ENAH: variants seen among roughly 807,000 people sequenced by gnomAD.
ENAH encodes the protein ENAH actin regulator.
Under a neutral mutation model 78.7 loss-of-function variants are expected in ENAH, and 23 were observed. That is an observed-to-expected ratio of 0.29 (90% CI 0.21 to 0.41). ENAH has a LOEUF of 0.41. ENAH is among the 10% of genes least tolerant of loss of function. The pLI, the probability that ENAH is intolerant of heterozygous loss-of-function variation, is 1.00. For synonymous variants in ENAH, 226 were observed against 241.0 expected (o/e 0.94, Z 0.58); for missense variants, 544 against 691.0 (o/e 0.79, Z 2.39).
At chr1:225,650,848 TAAAAAAAAAAAAA>T (rs746549168) in intron 1 of ENAH, among the ~76,000 whole-genome samples, 5 of 58,938 alleles carry the variant, frequency 8.5e-5, no homozygotes, top group Non-Finnish European at 1.2e-4. Flanking sequence ...AGACTGCATT[TAAAAAAAAAAAAA>T]AAAAAAAAAA....
chr1:225,521,431 A>G (rs2096467258), intron 4 of ENAH, among the ~76,000 whole-genome samples: 1 of 152,066 alleles, frequency 6.6e-6, no homozygotes, highest in South Asian at 2.1e-4. Context: ...GGCCGAGGTC[A>G]GGAGTTTGAG....
chr1:225,597,636 C>T lies in ENAH; in HGVS notation c.6-30222G>A, dbSNP rs941866478. 4.8e-5 allele frequency among the ~76,000 whole-genome samples: 6 copies of T among 125,902 alleles called. No individual in the cohort carries two copies. In the East Asian group the frequency reaches 6.8e-4, roughly 14 times the overall value. 82.6% of individuals were successfully genotyped at this position (125,902 alleles called of 152,430 possible). On this transcript the variant is annotated intron_variant, in intron 1 of 13. Transcript: ENST00000366843. The stretch of plus-strand genomic sequence containing the variant: ...CTGCGCCACTGCCCTCCAGCCTGGG[C>T]GACAGTGCAAGAGCATCTCAAAAAA...
chr1:225,543,173 GGA>G (rs1200371789), intron 3 of ENAH, among the ~76,000 whole-genome samples: 4 of 152,150 alleles, frequency 2.6e-5, no homozygotes. Flanking sequence ...AGAAGAGACT[GGA>G]GACACATTTC....
chr1:225,526,674 A>T (rs1477761530), intron 4 of ENAH, among the ~76,000 whole-genome samples: 3 of 152,102 alleles, frequency 2.0e-5, no homozygotes, highest in Non-Finnish European at 4.4e-5. Flanking sequence ...GGTGGTTTTT[A>T]AAAAAAGTTT....
At chr1:225,590,599 C>T (rs886377997) in intron 1 of ENAH, among the ~76,000 whole-genome samples, 3 of 152,106 alleles carry the variant, frequency 2.0e-5, no homozygotes, top group Non-Finnish European at 2.9e-5. Context: ...TTCTCCCCCC[C>T]ATTCCCTTTC....
Position 225,490,237 on chromosome 1 carries a change from A to G in ENAH, c.*7538T>C, listed in dbSNP as rs907600020. The stretch of plus-strand genomic sequence containing the variant: ...TCAAGTCCAACAAGGTGGCAAAGAC[A>G]TGGACTCAATAACAATTTTTACCAT... On this transcript the variant is annotated 3_prime_UTR_variant, in exon 14 of 14. Coordinates refer to ENST00000366843, the MANE Select transcript of ENAH (RefSeq NM_018212.6). 5 of 152,200 alleles carry G rather than the reference A, an allele frequency of 3.3e-5. No individual in the cohort carries two copies. The highest frequency in any genetic ancestry group is 7.3e-5 in the Non-Finnish European group (5 of 68,040). The allele number at this position is 152,200 out of a possible 1,614,324, so 9.4% of individuals were successfully genotyped here.
Position 225,651,373 on chromosome 1 carries a change from G to A in ENAH, c.5+1313C>T, listed in dbSNP as rs546396921. On this transcript the variant is annotated intron_variant, in intron 1 of 13. Transcript: ENST00000366843. ...CACAATATATATATAAAAGCAAAAT[G>A]GAAACACGTTTAACCTTGATAGAAA... is the stretch of plus-strand genomic sequence containing the variant. Among the ~76,000 whole-genome samples the A allele has an allele frequency of 4.0e-5, 6 of 151,384 alleles. No homozygotes were observed. The East Asian group carries it at 9.7e-4, about 24-fold the overall frequency.
chr1:225,554,862 T>C, intron 3 of ENAH, 44 bp downstream of exon 3: 1 of 1,438,262 alleles, frequency 7.0e-7, no homozygotes, highest in Non-Finnish European at 9.3e-7. Flanking sequence ...TTGCTTTGTC[T>C]CTGGAAAAAG....
At chr1:225,572,048 G>C (rs1207356430) in intron 1 of ENAH, among the ~76,000 whole-genome samples, 1 of 152,104 alleles carries the variant, frequency 6.6e-6, no homozygotes, top group Admixed American at 6.6e-5. Context: ...AGCAGATGTG[G>C]GTAGCCTGGG....
At chr1:225,588,367 ATT>A (rs756227943) in intron 1 of ENAH, among the ~76,000 whole-genome samples, 5 of 152,232 alleles carry the variant, frequency 3.3e-5, no homozygotes, top group Non-Finnish European at 5.9e-5. Context: ...TGCTCAGTAA[ATT>A]TGTGTTAAAT....
intron 5 of ENAH, chr1:225,517,669 G>A: frequency 6.4e-7 from 1 of 1,551,096 alleles, no homozygotes; most frequent in Admixed American, 2.0e-5. Context: ...CTTCGTAGCT[G>A]GAGGCTGAGA....
At chr1:225,561,466 A>T (rs560080832) in intron 2 of ENAH, among the ~76,000 whole-genome samples, 94 of 151,416 alleles carry the variant, frequency 6.2e-4, no homozygotes, top group South Asian at 1.7e-3. Context: ...TACTAAAAAT[A>T]TAAAAATTAG....
At chr1:225,553,949 A>C (rs900719653) in intron 3 of ENAH, among the ~76,000 whole-genome samples, 8 of 152,212 alleles carry the variant, frequency 5.3e-5, no homozygotes, top group Non-Finnish European at 8.8e-5. Context: ...TTAGTATTTG[A>C]CAGACTAACA....
chr1:225,594,868 A>G (rs563605532), intron 1 of ENAH, among the ~76,000 whole-genome samples: 1 of 152,362 alleles, frequency 6.6e-6, no homozygotes, highest in African/African-American at 2.4e-5. Flanking sequence ...AGCATAATCA[A>G]TGAAGGTTAG....
intron 1 of ENAH, among the ~76,000 whole-genome samples, chr1:225,622,515 T>C (rs1364556046): frequency 2.0e-5 from 3 of 152,148 alleles, no homozygotes; most frequent in African/African-American, 4.8e-5. Context: ...CAAAATACCT[T>C]AGACTGAGTA....
At chr1:225,589,077 G>A (rs76215959) in intron 1 of ENAH, among the ~76,000 whole-genome samples, 359 of 152,088 alleles carry the variant, frequency 2.4e-3, no homozygotes, top group Non-Finnish European at 4.3e-3. Flanking sequence ...TATATTTTAC[G>A]GTTCCTAGAT....
chr1:225,609,280 T>C (rs2096974564), intron 1 of ENAH, among the ~76,000 whole-genome samples: 1 of 151,966 alleles, frequency 6.6e-6, no homozygotes, highest in African/African-American at 2.4e-5. Context: ...AAGTGATGAA[T>C]GCATGGAAAA....
intron 2 of ENAH, among the ~76,000 whole-genome samples, chr1:225,561,344 C>T (rs904532059): frequency 6.7e-6 from 1 of 150,214 alleles, no homozygotes; most frequent in Non-Finnish European, 1.5e-5. Flanking sequence ...TATTTTCAGG[C>T]TGGGTGCAGT....
At chr1:225,616,039 G>C (rs536802189) in intron 1 of ENAH, among the ~76,000 whole-genome samples, 20 of 152,002 alleles carry the variant, frequency 1.3e-4, no homozygotes, top group African/African-American at 4.1e-4. Flanking sequence ...CCCCAACCCC[G>C]AGCTCTCTAA....
Sources: gnomAD v4.1 joint callset for allele counts (sites outside exome capture counted in the v4.1 genomes callset) on GRCh38, gnomAD v4.1.1 for gene constraint, MANE v1.5 for transcripts, NCBI Gene and HGNC (gene_info 2026-07-23, HGNC 2026-07-21) for gene names.